TBK1: variants seen among roughly 807,000 people sequenced by gnomAD.
The protein encoded by TBK1 is serine/threonine-protein kinase TBK1.
A neutral mutation model predicts 99.9 loss-of-function variants in TBK1; 37 were observed. That is an observed-to-expected ratio of 0.37 (90% CI 0.28 to 0.49). The LOEUF is 0.49. Among genes scored for constraint, TBK1 ranks in the 20% least tolerant of loss-of-function variants. The pLI, the probability that TBK1 is intolerant of heterozygous loss-of-function variation, is 0.98. For missense variants in TBK1, 644 were observed against 872.5 expected, an observed-to-expected ratio of 0.74 and a Z score of 3.30; for synonymous variants, 258 against 279.8, an observed-to-expected ratio of 0.92 and a Z score of 0.78.
chr12:64,460,710 T>C (rs945081456), intron 3 of TBK1, among the ~76,000 whole-genome samples: 2 of 151,622 alleles, frequency 1.3e-5, no homozygotes, highest in Non-Finnish European at 2.9e-5. Context: ...GGTGCGCACC[T>C]GTAGTTCCAG....
chr12:64,495,376 G>A (rs1350498151), intron 13 of TBK1, 107 bp from the exon 14 acceptor site: 2 of 1,360,486 alleles, frequency 1.5e-6, no homozygotes, highest in South Asian at 2.9e-5. Flanking sequence ...CCTTTGAATT[G>A]AAGTAATCTA....
intron 6 of TBK1, among the ~76,000 whole-genome samples, chr12:64,479,609 A>G (rs2040748513): frequency 6.6e-6 from 1 of 152,216 alleles, no homozygotes; most frequent in Non-Finnish European, 1.5e-5. Context: ...CATTCTGCAG[A>G]AACTTTAGTT....
At chr12:64,477,836 G>A (rs529698170) in intron 6 of TBK1, among the ~76,000 whole-genome samples, 2 of 152,170 alleles carry the variant, frequency 1.3e-5, no homozygotes, top group Non-Finnish European at 2.9e-5. Context: ...TTGTTGAGAT[G>A]TATTGCCATA....
In TBK1 at chr12:64,478,827, T is replaced by A. The variant is rs552106840; in HGVS notation, c.702-1185T>A. Among the ~76,000 whole-genome samples the A allele has an allele frequency of 2.6e-5, 4 of 152,354 alleles. No homozygotes were observed. The East Asian group carries it at 7.7e-4, about 29-fold the overall frequency. ...TTGTGCCTAACAGTTAATCATACTT[T>A]TTTCATCATAGATAGTATCAGCCTT... On this transcript the variant is annotated intron_variant, in intron 6 of 20. Coordinates refer to ENST00000331710, the MANE Select transcript of TBK1 (RefSeq NM_013254.4).
At chr12:64,486,624 G>T (rs1002198154) in intron 11 of TBK1, among the ~76,000 whole-genome samples, 2 of 151,404 alleles carry the variant, frequency 1.3e-5, no homozygotes, top group Admixed American at 6.6e-5. Flanking sequence ...TAGTGATGGG[G>T]GGTCTAGTTA....
chr12:64,496,785 C>A (rs911541792), intron 16 of TBK1, among the ~76,000 whole-genome samples, 164 bp from the exon 17 acceptor site: 4 of 152,136 alleles, frequency 2.6e-5, no homozygotes, highest in Non-Finnish European at 5.9e-5. Context: ...TATCTTCTTG[C>A]TGCTATAATG....
rs768446456 is a variant in TBK1, at chr12:64,480,121, C to T, written c.811C>T (p.Arg271Trp). Residue 271 changes from arginine to tryptophan, a missense_variant and splice_region_variant, in exon 7 of 21, where the codon CGG becomes TGG. Arg to Trp is a moderately radical substitution (Grantham distance 101). This residue lies in a region of TBK1 where 465 missense variants were observed against 588.0 expected (regional missense o/e 0.79). Coordinates refer to ENST00000331710, the MANE Select transcript of TBK1 (RefSeq NM_013254.4). Reference protein sequence around the residue: ...GDMPVSCSLSRGLQVLLTPVL... With the variant: ...GDMPVSCSLSWGLQVLLTPVL... ...CATGCCTGTTTCTTGCAGTCTTTCTCGGTAAGTATGGTGTACCTAATTCTC... is the reference window on the plus strand; with the variant it reads ...CATGCCTGTTTCTTGCAGTCTTTCTTGGTAAGTATGGTGTACCTAATTCTC... 7 of 1,609,322 alleles carry T rather than the reference C, an allele frequency of 4.3e-6. No homozygotes were observed. The highest frequency in any genetic ancestry group is 4.5e-5 in the East Asian group (2 of 44,730).
chr12:64,488,990 C>CA lies in TBK1; in HGVS notation c.1442+408dup, dbSNP rs760739909. 1.3e-4 allele frequency among the ~76,000 whole-genome samples: 20 copies of CA among 152,128 alleles called. No homozygotes were observed. In the East Asian group the frequency reaches 3.1e-3, roughly 24 times the overall value. On this transcript the variant is annotated intron_variant, in intron 12 of 20. Transcript: ENST00000331710. ...CTGGTGACAGAGTGAGACTCCATCTCAAAAAACAAAATAAAATAAAGATCA... is the reference window on the plus strand; with the variant it reads ...CTGGTGACAGAGTGAGACTCCATCTCAAAAAAACAAAATAAAATAAAGATCA...
chr12:64,492,901 T>G (rs1459614867), intron 13 of TBK1, among the ~76,000 whole-genome samples: 10 of 149,978 alleles, frequency 6.7e-5, no homozygotes, highest in African/African-American at 2.0e-4. Context: ...TTGTTTGTTT[T>G]TTTTTTTTTT....
chr12:64,492,270 T>A (rs2040877078), intron 13 of TBK1, among the ~76,000 whole-genome samples: 1 of 152,200 alleles, frequency 6.6e-6, no homozygotes, highest in Non-Finnish European at 1.5e-5. Flanking sequence ...ATGTTTCTCA[T>A]TTTTATGACA....
intron 1 of TBK1, among the ~76,000 whole-genome samples, chr12:64,455,277 C>A (rs1006475774): frequency 4.6e-5 from 7 of 152,108 alleles, no homozygotes; most frequent in African/African-American, 1.7e-4. Flanking sequence ...TGAGCCACTG[C>A]TCCCAGCTGA....
intron 5 of TBK1, among the ~76,000 whole-genome samples, chr12:64,469,788 A>C (rs1007891650): frequency 7.1e-6 from 1 of 141,372 alleles, no homozygotes; most frequent in African/African-American, 2.7e-5. Context: ...TCTCTCACCC[A>C]GTACTTTTTT....
chr12:64,456,960 G>A (rs1033449484), intron 2 of TBK1, among the ~76,000 whole-genome samples: 1 of 152,060 alleles, frequency 6.6e-6, no homozygotes, highest in Non-Finnish European at 1.5e-5. Flanking sequence ...GGAAAAAGCT[G>A]GAGAAATGGA....
At chr12:64,499,334 C>T (rs990510520) in intron 20 of TBK1, among the ~76,000 whole-genome samples, 1 of 151,920 alleles carries the variant, frequency 6.6e-6, no homozygotes, top group South Asian at 2.1e-4. Flanking sequence ...CATGAGCCAC[C>T]GCACCCGGCC....
At chr12:64,486,261 T>C (rs2040819233) in intron 11 of TBK1, among the ~76,000 whole-genome samples, 2 of 152,150 alleles carry the variant, frequency 1.3e-5, no homozygotes, top group African/African-American at 4.8e-5. Context: ...TGACGGCAAA[T>C]GCATTTCTTT....
intron 6 of TBK1, among the ~76,000 whole-genome samples, chr12:64,475,134 AG>A (rs1448527748): frequency 6.6e-6 from 1 of 152,210 alleles, no homozygotes; most frequent in Admixed American, 6.5e-5. Context: ...AATAAATGAA[AG>A]AAAATTAAAA....
chr12:64,501,472 T>G lies in TBK1; in HGVS notation c.*91T>G. Reference sequence around the variant, plus strand: ...AATGCCTTTATAGATAGTCACTTGTTTCTACAATTCAGTATTTGATGTGGT... The same window carrying G: ...AATGCCTTTATAGATAGTCACTTGTGTCTACAATTCAGTATTTGATGTGGT... On this transcript the variant is annotated 3_prime_UTR_variant, in exon 21 of 21. Transcript: ENST00000331710. The G allele has an allele frequency of 8.0e-7, 1 of 1,245,788 alleles. No individual in the cohort carries two copies. The highest frequency in any genetic ancestry group is 1.2e-6 in the Non-Finnish European group (1 of 867,862). 77.2% of individuals were successfully genotyped at this position (1,245,788 alleles called of 1,614,324 possible). A position where few individuals can be genotyped will look rare whatever the true frequency, so the allele number is the denominator to read the frequency against.
rs371098079 is a variant in TBK1, at chr12:64,495,459, A to T, written c.1522-24A>T. 20 of 1,611,368 alleles carry T rather than the reference A, an allele frequency of 1.2e-5. No homozygotes were observed. The African/African-American group carries it at 2.5e-4, about 20-fold the overall frequency. ...TCATTTCTGGCTTTTGGCAATCTGGATCTGAACCTTTGGTTTTATTTAGCT... is the reference window on the plus strand; with the variant it reads ...TCATTTCTGGCTTTTGGCAATCTGGTTCTGAACCTTTGGTTTTATTTAGCT... On this transcript the variant is annotated intron_variant, in intron 13 of 20. Transcript: ENST00000331710.
intron 2 of TBK1, among the ~76,000 whole-genome samples, chr12:64,457,073 T>G (rs1171387218): frequency 6.6e-6 from 1 of 152,186 alleles, no homozygotes; most frequent in African/African-American, 2.4e-5. Context: ...AAATGATGTT[T>G]GGAGCTTCCT....
Sources: gnomAD v4.1 joint callset for allele counts (sites outside exome capture counted in the v4.1 genomes callset) on GRCh38, gnomAD v4.1.1 for gene constraint, gnomAD v4.1.1 regional missense constraint, MANE v1.5 for transcripts, NCBI Gene and HGNC (gene_info 2026-07-23, HGNC 2026-07-21) for gene names.